CD86: variants seen among roughly 807,000 people sequenced by gnomAD.
CD86 encodes the protein T-lymphocyte activation antigen CD86.
CD86 carries 11 observed loss-of-function variants against 32.1 expected under a neutral mutation model. The observed-to-expected ratio is 0.34, with a 90% CI of 0.22 to 0.57. CD86 has a LOEUF of 0.57. Ranked by LOEUF, CD86 falls within the 20% of genes least tolerant of loss-of-function variation. CD86 has a pLI of 0.86. For missense variants in CD86, 359 were observed against 398.4 expected (o/e 0.90, Z 0.84); for synonymous variants, 137 against 135.3 (o/e 1.01, Z -0.09).
At chr3:122,082,450 C>A (rs1203582166) in intron 1 of CD86, among the ~76,000 whole-genome samples, 1 of 152,174 alleles carries the variant, frequency 6.6e-6, no homozygotes, top group Non-Finnish European at 1.5e-5. Flanking sequence ...ACTAGTGAAC[C>A]TTGCTGCCCT....
rs116514882 is a variant in CD86, at chr3:122,089,243, G to A, written c.15-2358G>A. Among the ~76,000 whole-genome samples the A allele has an allele frequency of 4.6e-3, 708 of 152,268 alleles. 3 individuals carry two copies. The highest frequency in any genetic ancestry group is 7.7e-3 in the Non-Finnish European group (522 of 68,012). ...TGCAAGATGAAAGAGTTCTGAAGATGGATGTAGTGATGACTGTACAACAAT... is the reference window on the plus strand; with the variant it reads ...TGCAAGATGAAAGAGTTCTGAAGATAGATGTAGTGATGACTGTACAACAAT... On this transcript the variant is annotated intron_variant, in intron 1 of 6. Transcript: ENST00000330540.
chr3:122,104,302 C>T (rs2073057076), intron 3 of CD86, among the ~76,000 whole-genome samples: 1 of 152,212 alleles, frequency 6.6e-6, no homozygotes, highest in Admixed American at 6.5e-5. Context: ...TGGGTTTTCC[C>T]TTCAGCCTCC....
rs549188708 is a variant in CD86 at position 122,067,867 on chromosome 3, C to T, written c.14+12364C>T. The stretch of plus-strand genomic sequence containing the variant: ...TAATGCCTCTTGTGTGGTGGCAGAC[C>T]CTTCAAGTCTTCCAGATAAAGCATG... On this transcript the variant is annotated intron_variant, in intron 1 of 6. Transcript: ENST00000330540. 2.0e-5 allele frequency among the ~76,000 whole-genome samples: 3 copies of T among 152,200 alleles called. No individual in the cohort carries two copies. In the South Asian group the frequency reaches 6.2e-4, roughly 32 times the overall value.
At chr3:122,096,213 A>G (rs2072904342) in intron 2 of CD86, among the ~76,000 whole-genome samples, 1 of 152,112 alleles carries the variant, frequency 6.6e-6, no homozygotes, top group African/African-American at 2.4e-5. Flanking sequence ...CTATAAGTAC[A>G]TGCCACCATG....
intron 5 of CD86, among the ~76,000 whole-genome samples, chr3:122,113,273 T>C (rs1412162258): frequency 6.6e-6 from 1 of 152,252 alleles, no homozygotes; most frequent in African/African-American, 2.4e-5. Flanking sequence ...TTAGGTTGGT[T>C]CCTTATTTTT....
Position 122,055,501 on chromosome 3 carries a change from G to A in CD86, c.12G>A (p.Gln4=), listed in dbSNP as rs747745893. The change falls in exon 1 of 7, where the codon CAG becomes CAA. Residue 4 remains glutamine, a splice_region_variant and synonymous_variant. Coordinates refer to ENST00000330540, the MANE Select transcript of CD86 (RefSeq NM_175862.5). The stretch of plus-strand genomic sequence containing the variant: ...CAGAAGCAGCCAAAATGGATCCCCA[G>A]TGGTGAGTAATAATTCTTATTCTTT... MDP[Q]CTMGLSNILF... The A allele has an allele frequency of 1.2e-6, 2 of 1,614,024 alleles. No homozygotes were observed. Among genetic ancestry groups the A allele is most frequent in the South Asian group, 1.1e-5 (1 of 91,072 alleles).
chr3:122,073,128 CT>C (rs937689958), intron 1 of CD86, among the ~76,000 whole-genome samples: 20 of 147,030 alleles, frequency 1.4e-4, no homozygotes, highest in Admixed American at 6.7e-5. Context: ...CCAAATGCTG[CT>C]GAGGATGTGG....
chr3:122,103,569 A>G lies in CD86; in HGVS notation c.122A>G (p.Gln41Arg). 6.2e-7 allele frequency: 1 copy of G among 1,613,934 alleles called. No individual in the cohort carries two copies. Among genetic ancestry groups the G allele is most frequent in the East Asian group, 2.2e-5 (1 of 44,878 alleles). The change falls in exon 3 of 7, where the codon CAA becomes CGA. Residue 41 changes from glutamine to arginine, a missense_variant. By Grantham distance (43) the Gln-to-Arg change is conservative. Transcript: ENST00000330540. ...YFNETADLPCQFANSQNQSLS... is the reference protein window; with the variant it reads ...YFNETADLPCRFANSQNQSLS... ...AATGAGACTGCAGACCTGCCATGCC[A>G]ATTTGCAAACTCTCAAAACCAAAGC...
intron 2 of CD86, among the ~76,000 whole-genome samples, chr3:122,093,061 T>G (rs929338983): frequency 2.6e-5 from 4 of 152,182 alleles, no homozygotes; most frequent in Non-Finnish European, 5.9e-5. Flanking sequence ...CCTGGGGATG[T>G]GGGAGGTATG....
chr3:122,116,580 A>T (rs974736903), intron 5 of CD86, among the ~76,000 whole-genome samples: 1 of 152,190 alleles, frequency 6.6e-6, no homozygotes, highest in African/African-American at 2.4e-5. Flanking sequence ...AATTTTAAAA[A>T]ATTTAAAAAT....
At chr3:122,091,406 GGGA>G (rs2072817129) in intron 1 of CD86, among the ~76,000 whole-genome samples, 192 bp from the exon 2 acceptor site, 1 of 152,144 alleles carries the variant, frequency 6.6e-6, no homozygotes, top group Non-Finnish European at 1.5e-5. Flanking sequence ...ATAACTGCAG[GGGA>G]GGCTGGGAAA....
chr3:122,103,605 T>A lies in CD86; in HGVS notation c.158T>A (p.Leu53Gln). ...TCTCAAAACCAAAGCCTGAGTGAGCTAGTAGTATTTTGGCAGGACCAGGAA... is the reference window on the plus strand; with the variant it reads ...TCTCAAAACCAAAGCCTGAGTGAGCAAGTAGTATTTTGGCAGGACCAGGAA... ...ANSQNQSLSE[L>Q]VVFWQDQENL... is the part of the protein sequence containing the mutation. Residue 53 changes from leucine to glutamine, a missense_variant, in exon 3 of 7, where the codon CTA becomes CAA. By Grantham distance (113) the Leu-to-Gln change is moderately radical. Coordinates refer to ENST00000330540, the MANE Select transcript of CD86 (RefSeq NM_175862.5). 1 of 1,613,926 alleles carries A rather than the reference T, an allele frequency of 6.2e-7. No homozygotes were observed.
At chr3:122,081,613 C>T (rs2072635194) in intron 1 of CD86, among the ~76,000 whole-genome samples, 1 of 152,230 alleles carries the variant, frequency 6.6e-6, no homozygotes, top group Non-Finnish European at 1.5e-5. Flanking sequence ...TAAAGGAAGA[C>T]AGCGTTTCTC....
At chr3:122,075,860 A>C (rs1409442316) in intron 1 of CD86, among the ~76,000 whole-genome samples, 1 of 152,210 alleles carries the variant, frequency 6.6e-6, no homozygotes, top group Non-Finnish European at 1.5e-5. Context: ...ACAATAAAAC[A>C]ACTTGTTTTT....
chr3:122,072,639 C>T (rs935971180), intron 1 of CD86, among the ~76,000 whole-genome samples: 35 of 152,240 alleles, frequency 2.3e-4, no homozygotes, highest in Non-Finnish European at 8.8e-5. Context: ...AGCCCTTTGT[C>T]AGATGAGTAG....
chr3:122,076,760 G>A (rs888699393), intron 1 of CD86, among the ~76,000 whole-genome samples: 3 of 152,320 alleles, frequency 2.0e-5, no homozygotes, highest in Admixed American at 6.5e-5. Flanking sequence ...ATAACTACTT[G>A]GCATACTCTG....
At chr3:122,068,442 T>C (rs879623046) in intron 1 of CD86, among the ~76,000 whole-genome samples, 2 of 152,158 alleles carry the variant, frequency 1.3e-5, no homozygotes, top group Admixed American at 1.3e-4. Context: ...ATAAAGAAAA[T>C]GGCAAATGTC....
At chr3:122,097,018 G>T (rs1305210177) in intron 2 of CD86, among the ~76,000 whole-genome samples, 1 of 152,072 alleles carries the variant, frequency 6.6e-6, no homozygotes, top group Non-Finnish European at 1.5e-5. Context: ...ATTACCAACT[G>T]TCCTCCAAAA....
chr3:122,115,985 A>C (rs1478577150), intron 5 of CD86, among the ~76,000 whole-genome samples: 1 of 152,122 alleles, frequency 6.6e-6, no homozygotes, highest in Non-Finnish European at 1.5e-5. Flanking sequence ...TCCACATGGA[A>C]AAAGTATGAA....
Sources: allele counts gnomAD v4.1 joint callset (sites outside exome capture counted in the v4.1 genomes callset), GRCh38; gene constraint gnomAD v4.1.1; transcripts MANE v1.5; gene names NCBI Gene and HGNC (gene_info 2026-07-23, HGNC 2026-07-21).